The following OXR1 variants were observed in gnomAD, a reference collection of about 807,000 sequenced individuals.
OXR1 encodes oxidation resistance 1.
OXR1 carries 41 observed loss-of-function variants against 104.6 expected under a neutral mutation model. The ratio of observed to expected loss-of-function variants is 0.39; its 90% CI spans 0.31 to 0.51. The LOEUF (loss-of-function observed/expected upper bound fraction) is 0.51, where lower values mean the gene tolerates loss of function less well. OXR1 is among the 20% of genes least tolerant of loss of function. The pLI, the probability that OXR1 is intolerant of heterozygous loss-of-function variation, is 0.77. For synonymous variants in OXR1, 348 were observed against 348.4 expected (o/e 1.00, Z 0.01); for missense variants, 955 against 1,031.9 (o/e 0.93, Z 1.02).
chr8:106,670,917 T>C (rs1826880691), intron 3 of OXR1, among the ~76,000 whole-genome samples: 2 of 151,440 alleles, frequency 1.3e-5, no homozygotes, highest in African/African-American at 4.9e-5. Flanking sequence ...TGGTGGTGCG[T>C]GCCTGTAGTC....
At chr8:106,616,226 T>A (rs931958954) in intron 3 of OXR1, among the ~76,000 whole-genome samples, 2 of 136,184 alleles carry the variant, frequency 1.5e-5, no homozygotes, top group East Asian at 2.0e-4. Context: ...GAATTTTTTT[T>A]TTTTTTTTTT....
chr8:106,380,005 ATTCACAGAGTTTTGC>A (rs897356609), intron 2 of OXR1, among the ~76,000 whole-genome samples: 2 of 152,172 alleles, frequency 1.3e-5, no homozygotes, highest in African/African-American at 4.8e-5. Flanking sequence ...CTTTTGGTAT[ATTCACAGAGTTTTGC>A]TTTTATTGCC....
intron 3 of OXR1, among the ~76,000 whole-genome samples, chr8:106,533,712 CTTT>C (rs34122715): frequency 1.9e-4 from 25 of 132,418 alleles, no homozygotes; most frequent in Admixed American, 2.3e-4. Flanking sequence ...GTTGAGTTTA[CTTT>C]TTTTTTTTTT....
At chr8:106,535,503 C>T (rs558846714) in intron 3 of OXR1, among the ~76,000 whole-genome samples, 1 of 152,108 alleles carries the variant, frequency 6.6e-6, no homozygotes, top group Non-Finnish European at 1.5e-5. Context: ...AGGGATTTAG[C>T]CTCCTTTGAA....
intron 3 of OXR1, among the ~76,000 whole-genome samples, chr8:106,525,183 A>C (rs1370655867): frequency 6.6e-6 from 1 of 152,262 alleles, no homozygotes; most frequent in East Asian, 1.9e-4. Context: ...GAGTCTGCTC[A>C]GAATTCAGTT....
intron 1 of OXR1, among the ~76,000 whole-genome samples, chr8:106,311,897 A>T (rs1586506711): frequency 6.6e-6 from 1 of 152,004 alleles, no homozygotes; most frequent in African/African-American, 2.4e-5. Context: ...TATAATTTGC[A>T]CCCTGTCTCT....
At chr8:106,281,754 C>G (rs927522034) in intron 1 of OXR1, among the ~76,000 whole-genome samples, 3 of 138,576 alleles carry the variant, frequency 2.2e-5, no homozygotes, top group Non-Finnish European at 4.5e-5. Context: ...AAGCAGAGAT[C>G]GTGCCACTGC....
At chr8:106,500,957 A>T (rs1811770608) in intron 2 of OXR1, among the ~76,000 whole-genome samples, 1 of 152,206 alleles carries the variant, frequency 6.6e-6, no homozygotes, top group Admixed American at 6.5e-5. Flanking sequence ...CGTCTGAAGA[A>T]AACACAAAAT....
At chr8:106,648,408 G>A (rs1037969169) in intron 3 of OXR1, among the ~76,000 whole-genome samples, 2 of 152,030 alleles carry the variant, frequency 1.3e-5, no homozygotes, top group Non-Finnish European at 2.9e-5. Context: ...ACAAACCAAT[G>A]TTTTTGTTAA....
intron 7 of OXR1, among the ~76,000 whole-genome samples, chr8:106,694,384 TG>T (rs1829615412): frequency 7.0e-6 from 1 of 143,496 alleles, no homozygotes; most frequent in Non-Finnish European, 1.5e-5. Flanking sequence ...TATCTGTTTT[TG>T]CCATACATTA....
intron 3 of OXR1, among the ~76,000 whole-genome samples, chr8:106,569,363 TA>T (rs1211443221): frequency 6.6e-6 from 1 of 152,192 alleles, no homozygotes; most frequent in African/African-American, 2.4e-5. Context: ...AATTGTTCTC[TA>T]AAAGATTATA....
chr8:106,345,777 T>C (rs1815451862), intron 1 of OXR1, among the ~76,000 whole-genome samples: 1 of 152,240 alleles, frequency 6.6e-6, no homozygotes, highest in East Asian at 1.9e-4. Context: ...TTTTAAAATA[T>C]ATTATGATTA....
intron 3 of OXR1, among the ~76,000 whole-genome samples, chr8:106,571,232 G>C (rs1366695269): frequency 6.6e-6 from 1 of 152,106 alleles, no homozygotes; most frequent in Non-Finnish European, 1.5e-5. Context: ...CCAGAGAAAT[G>C]TATTTTCTCA....
At chr8:106,441,755 C>G (rs1212221910) in intron 2 of OXR1, among the ~76,000 whole-genome samples, 1 of 152,166 alleles carries the variant, frequency 6.6e-6, no homozygotes, top group African/African-American at 2.4e-5. Context: ...GTGATTTTCA[C>G]ACATTGATTT....
chr8:106,275,190 A>G (rs1811987359), intron 1 of OXR1, among the ~76,000 whole-genome samples: 1 of 152,258 alleles, frequency 6.6e-6, no homozygotes, highest in Non-Finnish European at 1.5e-5. Flanking sequence ...AAACAGTTAC[A>G]TGGATTTCTG....
At chr8:106,654,196 G>C (rs1364476933) in intron 3 of OXR1, among the ~76,000 whole-genome samples, 9 of 151,908 alleles carry the variant, frequency 5.9e-5, no homozygotes. Flanking sequence ...AAATTGACAA[G>C]GTAATCCTAA....
intron 3 of OXR1, among the ~76,000 whole-genome samples, chr8:106,553,320 CTTT>C (rs5893797): frequency 3.5e-5 from 5 of 142,858 alleles, no homozygotes; most frequent in Admixed American, 2.1e-4. Flanking sequence ...CAATTTTCTT[CTTT>C]TTTTTTTTTT....
intron 1 of OXR1, among the ~76,000 whole-genome samples, chr8:106,323,465 A>G (rs192688306): frequency 1.3e-4 from 20 of 152,316 alleles, no homozygotes; most frequent in Admixed American, 6.5e-4. Context: ...AGATTTCATG[A>G]CAAAGACAAC....
At chr8:106,415,779 A>G (rs1365871533) in intron 2 of OXR1, among the ~76,000 whole-genome samples, 2 of 152,122 alleles carry the variant, frequency 1.3e-5, no homozygotes, top group Non-Finnish European at 2.9e-5. Context: ...TTGAACTTAT[A>G]TAATTTATTT....
Sources: gnomAD v4.1 joint callset for allele counts (sites outside exome capture counted in the v4.1 genomes callset) on GRCh38, gnomAD v4.1.1 for gene constraint, MANE v1.5 for transcripts, NCBI Gene and HGNC (gene_info 2026-07-23, HGNC 2026-07-21) for gene names.